SHISA6: variants seen among roughly 807,000 people sequenced by gnomAD.
The protein encoded by SHISA6 is shisa family member 6, also known as protein shisa-6.
A neutral mutation model predicts 47.9 loss-of-function variants in SHISA6; 22 were observed. That is an observed-to-expected ratio of 0.46 (90% CI 0.33 to 0.66). The LOEUF is 0.66. Ranked by LOEUF, SHISA6 falls within the 30% of genes least tolerant of loss-of-function variation. The pLI, the probability that SHISA6 is intolerant of heterozygous loss-of-function variation, is 0.02. For missense variants in SHISA6, 680 were observed against 764.6 expected, an observed-to-expected ratio of 0.89 and a Z score of 1.30; for synonymous variants, 388 against 337.8, an observed-to-expected ratio of 1.15 and a Z score of -1.63.
chr17:11,547,077 A>G (rs1327922205), intron 3 of SHISA6, among the ~76,000 whole-genome samples: 3 of 152,260 alleles, frequency 2.0e-5, no homozygotes, highest in Admixed American at 1.3e-4. Context: ...TAACAAATAC[A>G]AAGAGGAAGT....
chr17:11,323,797 C>G (rs1227518490), intron 2 of SHISA6, among the ~76,000 whole-genome samples: 1 of 152,098 alleles, frequency 6.6e-6, no homozygotes, highest in Admixed American at 6.6e-5. Flanking sequence ...TTCCCTTACG[C>G]TCCAGGGGCC....
intron 3 of SHISA6, among the ~76,000 whole-genome samples, chr17:11,511,824 G>A (rs1016952169): frequency 8.5e-5 from 13 of 152,216 alleles, no homozygotes; most frequent in African/African-American, 2.9e-4. Flanking sequence ...AGAGAAGACA[G>A]TAATCTGGAG....
At chr17:11,350,680 CTTTA>C (rs1286467631) in intron 2 of SHISA6, among the ~76,000 whole-genome samples, 7 of 152,054 alleles carry the variant, frequency 4.6e-5, no homozygotes, top group Non-Finnish European at 1.5e-5. Flanking sequence ...TTACCTTTAT[CTTTA>C]TTTAATTATT....
intron 2 of SHISA6, among the ~76,000 whole-genome samples, chr17:11,354,499 C>T (rs1158843381): frequency 6.6e-6 from 1 of 152,222 alleles, no homozygotes; most frequent in African/African-American, 2.4e-5. Context: ...CCTCATGTTC[C>T]ATTCTCCACA....
At chr17:11,419,024 T>C (rs980419120) in intron 3 of SHISA6, among the ~76,000 whole-genome samples, 8 of 150,534 alleles carry the variant, frequency 5.3e-5, no homozygotes, top group African/African-American at 1.7e-4. Flanking sequence ...GTGATTAACA[T>C]GGACACAGGA....
chr17:11,257,082 C>A (rs1448895952), intron 1 of SHISA6, among the ~76,000 whole-genome samples: 1 of 152,158 alleles, frequency 6.6e-6, no homozygotes. Context: ...ATTGTTAACA[C>A]AACAAATGAG....
chr17:11,445,721 TACAA>T (rs1915209360), intron 3 of SHISA6, among the ~76,000 whole-genome samples: 1 of 152,154 alleles, frequency 6.6e-6, no homozygotes, highest in Non-Finnish European at 1.5e-5. Flanking sequence ...AGGTAATAAC[TACAA>T]ACAAACAAGG....
intron 1 of SHISA6, among the ~76,000 whole-genome samples, chr17:11,261,934 G>A (rs1290469326): frequency 6.6e-6 from 1 of 152,184 alleles, no homozygotes; most frequent in Non-Finnish European, 1.5e-5. Context: ...ATTTCCACCA[G>A]TAGTGTATGA....
chr17:11,367,526 AG>A (rs992521697), intron 2 of SHISA6, among the ~76,000 whole-genome samples: 2 of 152,230 alleles, frequency 1.3e-5, no homozygotes, highest in Admixed American at 1.3e-4. Flanking sequence ...AGGGAAGGAA[AG>A]CACAATTCCC....
At chr17:11,307,545 T>G (rs1023116225) in intron 2 of SHISA6, among the ~76,000 whole-genome samples, 5 of 152,212 alleles carry the variant, frequency 3.3e-5, no homozygotes, top group African/African-American at 1.2e-4. Context: ...TTAGTTGAGC[T>G]CATAGGCACA....
At chr17:11,408,280 G>C (rs1450294523) in intron 3 of SHISA6, among the ~76,000 whole-genome samples, 1 of 152,156 alleles carries the variant, frequency 6.6e-6, no homozygotes, top group Non-Finnish European at 1.5e-5. Context: ...CTAAAGCAGT[G>C]GTTCTCAAAG....
intron 3 of SHISA6, among the ~76,000 whole-genome samples, chr17:11,504,105 C>T (rs745975585): frequency 1.3e-5 from 2 of 152,104 alleles, no homozygotes; most frequent in African/African-American, 2.4e-5. Flanking sequence ...TTCTTGATGA[C>T]CTTGGAAGGG....
chr17:11,370,932 C>T (rs146791624), intron 2 of SHISA6, among the ~76,000 whole-genome samples: 14 of 152,220 alleles, frequency 9.2e-5, no homozygotes, highest in African/African-American at 2.6e-4. Context: ...CCTTTGTTTC[C>T]GCCAGCAGCA....
In SHISA6 at chr17:11,358,667, C is replaced by CTTTTTTTTTTT. The variant is rs71142206; in HGVS notation, c.800-20744_800-20734dup. 1.8e-3 allele frequency among the ~76,000 whole-genome samples: 256 copies of CTTTTTTTTTTT among 141,298 alleles called. 2 individuals carry two copies. Among genetic ancestry groups the CTTTTTTTTTTT allele is most frequent in the African/African-American group, 5.9e-3 (217 of 37,058 alleles). The allele number at this position is 141,298 out of a possible 152,430, so 92.7% of individuals were successfully genotyped here. On this transcript the variant is annotated intron_variant, in intron 2 of 5. Transcript: ENST00000441885. ...AGCCACCGCACCTGGCCAGAATTTC[C>CTTTTTTTTTTT]TTTTTTTTTTTTTAAAGAATACGTC...
rs2072039259 is a variant in SHISA6, at chr17:11,561,142, A to G, written c.*2838A>G. ...AGATAAAAGAGGCTTCTGGGGCTGG[A>G]ACCTAGATGCCATGATTTCTAGCCC... is the stretch of plus-strand genomic sequence containing the variant. On this transcript the variant is annotated 3_prime_UTR_variant, in exon 6 of 6. Transcript: ENST00000441885. 1 of 152,196 alleles carries G rather than the reference A, an allele frequency of 6.6e-6. No individual in the cohort carries two copies. Among genetic ancestry groups the G allele is most frequent in the African/African-American group, 2.4e-5 (1 of 41,440 alleles). The allele number at this position is 152,196 out of a possible 1,614,324, so 9.4% of individuals were successfully genotyped here. A position where few individuals can be genotyped will look rare whatever the true frequency, so the allele number is the denominator to read the frequency against.
At chr17:11,556,248 T>C (rs1023244236) in intron 5 of SHISA6, among the ~76,000 whole-genome samples, 5 of 152,122 alleles carry the variant, frequency 3.3e-5, no homozygotes, top group Admixed American at 2.6e-4. Context: ...CTATACTGGA[T>C]AGAGGCTAGC....
chr17:11,247,775 CTT>C (rs1248779153), intron 1 of SHISA6, among the ~76,000 whole-genome samples: 17 of 134,526 alleles, frequency 1.3e-4, no homozygotes, highest in Admixed American at 1.5e-4. Flanking sequence ...TGGCGTCTTT[CTT>C]TTTTTTTTTT....
At chr17:11,394,811 TC>T (rs1913509582) in intron 3 of SHISA6, among the ~76,000 whole-genome samples, 1 of 152,080 alleles carries the variant, frequency 6.6e-6, no homozygotes, top group South Asian at 2.1e-4. Flanking sequence ...TCATTTTCTA[TC>T]TTTTTGCTTC....
intron 2 of SHISA6, among the ~76,000 whole-genome samples, chr17:11,311,067 A>T (rs1291390370): frequency 1.4e-5 from 2 of 140,514 alleles, no homozygotes; most frequent in African/African-American, 2.7e-5. Flanking sequence ...AGATTGCGCC[A>T]CTGTACTCCA....
Sources: allele counts gnomAD v4.1 joint callset (sites outside exome capture counted in the v4.1 genomes callset), GRCh38; gene constraint gnomAD v4.1.1; transcripts MANE v1.5; gene names NCBI Gene and HGNC (gene_info 2026-07-23, HGNC 2026-07-21).